The following RBFOX1 variants were observed in gnomAD, a reference collection of about 807,000 sequenced individuals.
RBFOX1 encodes the protein RNA binding protein fox-1 homolog 1.
In RBFOX1, 8 loss-of-function variants were observed where a neutral mutation model predicts 57.7. The ratio of observed to expected loss-of-function variants is 0.14; its 90% CI spans 0.08 to 0.25. The LOEUF (loss-of-function observed/expected upper bound fraction) is 0.25. Ranked by LOEUF, RBFOX1 falls within the 10% of genes least tolerant of loss-of-function variation. The pLI is 1.00. For missense variants in RBFOX1, 611 were observed against 548.5 expected (o/e 1.11, Z -1.14); for synonymous variants, 326 against 222.4 (o/e 1.47, Z -4.15).
In RBFOX1 at chr16:7,061,104, C is replaced by G. The variant is rs144090299; in HGVS notation, c.27+9006C>G. On this transcript the variant is annotated intron_variant, in intron 4 of 15. Coordinates refer to ENST00000550418, the MANE Select transcript of RBFOX1 (RefSeq NM_018723.4). ...GTTTGCTTGCTTTAATCTTACATAA[C>G]GAATGGTCCCAACTTTGTGATTTTC... 2.1e-4 allele frequency among the ~76,000 whole-genome samples: 32 copies of G among 152,118 alleles called. 1 individual carries two copies. In the East Asian group the frequency reaches 6.0e-3, roughly 29 times the overall value.
intron 1 of RBFOX1, among the ~76,000 whole-genome samples, chr16:5,374,720 T>C (rs1315703298): frequency 6.6e-6 from 1 of 151,830 alleles, no homozygotes; most frequent in Non-Finnish European, 1.5e-5. Flanking sequence ...ATGTGTTTTT[T>C]TTTTTTTGAA....
intron 4 of RBFOX1, among the ~76,000 whole-genome samples, chr16:5,917,870 G>T (rs748509311): frequency 6.6e-6 from 1 of 151,998 alleles, no homozygotes; most frequent in Non-Finnish European, 1.5e-5. Flanking sequence ...CCTGGTCCCC[G>T]TCAGGTTCCT....
chr16:6,894,205 C>G (rs993682839), intron 3 of RBFOX1, among the ~76,000 whole-genome samples: 1 of 152,182 alleles, frequency 6.6e-6, no homozygotes, highest in African/African-American at 2.4e-5. Context: ...GTAAGCTTCA[C>G]TTCCATCACT....
intron 4 of RBFOX1, among the ~76,000 whole-genome samples, chr16:7,477,482 A>G (rs1428237407): frequency 1.3e-5 from 2 of 152,126 alleles, no homozygotes; most frequent in Non-Finnish European, 2.9e-5. Flanking sequence ...TCCTGCCCAC[A>G]TTCCTTGCCT....
intron 5 of RBFOX1, among the ~76,000 whole-genome samples, chr16:7,558,775 G>C (rs535601580): frequency 6.6e-6 from 1 of 152,180 alleles, no homozygotes; most frequent in African/African-American, 2.4e-5. Flanking sequence ...ACTGCTTCTG[G>C]TGCACACTCA....
chr16:7,678,410 G>A (rs1343330363), intron 14 of RBFOX1, among the ~76,000 whole-genome samples: 1 of 152,076 alleles, frequency 6.6e-6, no homozygotes, highest in African/African-American at 2.4e-5. Flanking sequence ...ATTAAATTCT[G>A]CACTGAAGCT....
chr16:7,347,819 T>C (rs987442491), intron 4 of RBFOX1, among the ~76,000 whole-genome samples: 4 of 152,180 alleles, frequency 2.6e-5, no homozygotes, highest in African/African-American at 9.7e-5. Flanking sequence ...TGAGTAGTCC[T>C]GGGAAAGCAG....
intron 4 of RBFOX1, among the ~76,000 whole-genome samples, chr16:7,319,469 T>A (rs2096504223): frequency 6.6e-6 from 1 of 152,212 alleles, no homozygotes; most frequent in African/African-American, 2.4e-5. Flanking sequence ...TAGGTTGATT[T>A]CAGGTCAGTG....
chr16:6,646,052 A>G (rs781389501), intron 2 of RBFOX1, among the ~76,000 whole-genome samples: 1 of 151,864 alleles, frequency 6.6e-6, no homozygotes, highest in African/African-American at 2.4e-5. Context: ...CTGTCGGGAA[A>G]TTGATTGCTT....
intron 1 of RBFOX1, 24 bp from the exon 2 acceptor site, chr16:6,316,971 G>T: frequency 3.3e-6 from 5 of 1,530,988 alleles, no homozygotes; most frequent in Non-Finnish European, 3.5e-6. Flanking sequence ...TGATACTAAA[G>T]TCATTCCCCT....
intron 3 of RBFOX1, among the ~76,000 whole-genome samples, chr16:5,666,851 G>C (rs1017945427): frequency 6.6e-6 from 1 of 152,210 alleles, no homozygotes; most frequent in African/African-American, 2.4e-5. Context: ...TGAGCCCCAG[G>C]AGGATGAGTC....
At chr16:5,750,654 G>A (rs1266117030) in intron 3 of RBFOX1, among the ~76,000 whole-genome samples, 1 of 152,192 alleles carries the variant, frequency 6.6e-6, no homozygotes, top group African/African-American at 2.4e-5. Context: ...GTGGGCGTGG[G>A]ACCCTCTGAG....
At chr16:6,467,592 G>A (rs964205640) in intron 2 of RBFOX1, among the ~76,000 whole-genome samples, 1 of 152,132 alleles carries the variant, frequency 6.6e-6, no homozygotes. Flanking sequence ...CAAGCTTTTG[G>A]AGGAAAAATG....
chr16:6,070,373 T>G (rs757381798), intron 1 of RBFOX1, among the ~76,000 whole-genome samples: 1 of 152,232 alleles, frequency 6.6e-6, no homozygotes, highest in African/African-American at 2.4e-5. Flanking sequence ...CTGCATTATT[T>G]CATACACTTC....
chr16:5,553,318 ATTT>A (rs148430095), intron 2 of RBFOX1, among the ~76,000 whole-genome samples: 10 of 144,976 alleles, frequency 6.9e-5, no homozygotes, highest in East Asian at 2.0e-4. Context: ...ATGTCTGAAT[ATTT>A]TTTTTTTTTT....
chr16:5,319,228 C>G (rs2064331389), intron 1 of RBFOX1, among the ~76,000 whole-genome samples: 1 of 152,170 alleles, frequency 6.6e-6, no homozygotes, highest in Non-Finnish European at 1.5e-5. Flanking sequence ...ACTTGACCCA[C>G]TTGTGATGGA....
chr16:6,462,824 C>T (rs1197603691), intron 2 of RBFOX1, among the ~76,000 whole-genome samples: 1 of 151,800 alleles, frequency 6.6e-6, no homozygotes, highest in East Asian at 1.9e-4. Context: ...CACATTGTTG[C>T]TTTAATTTTC....
Position 7,424,958 on chromosome 16 carries a change from A to C in RBFOX1, c.28-93189A>C, listed in dbSNP as rs192602779. On this transcript the variant is annotated intron_variant, in intron 4 of 15. Coordinates refer to ENST00000550418, the MANE Select transcript of RBFOX1 (RefSeq NM_018723.4). ...TGATAAGATACTTGGGAGTTTGAGC[A>C]CCAAGAAGAATGTTATCTTAGAGAT... 2.0e-5 allele frequency among the ~76,000 whole-genome samples: 3 copies of C among 152,346 alleles called. No individual in the cohort carries two copies. The East Asian group carries it at 5.8e-4, about 29-fold the overall frequency.
intron 3 of RBFOX1, among the ~76,000 whole-genome samples, chr16:6,867,552 C>G (rs191614887): frequency 7.9e-5 from 12 of 152,058 alleles, no homozygotes; most frequent in African/African-American, 2.7e-4. Flanking sequence ...AACCTCATCT[C>G]TACTAAAAAT....
Sources: gnomAD v4.1 joint callset for allele counts (sites outside exome capture counted in the v4.1 genomes callset) on GRCh38, gnomAD v4.1.1 for gene constraint, MANE v1.5 for transcripts, NCBI Gene and HGNC (gene_info 2026-07-23, HGNC 2026-07-21) for gene names.